ANKRD50: variants seen among roughly 807,000 people sequenced by gnomAD.
ANKRD50 encodes ankyrin repeat domain 50.
A neutral mutation model predicts 112.0 loss-of-function variants in ANKRD50; 40 were observed. The observed-to-expected ratio is 0.36, with a 90% CI of 0.28 to 0.46. ANKRD50 has a LOEUF of 0.46. ANKRD50 is among the 20% of genes least tolerant of loss of function. The pLI, the probability that ANKRD50 is intolerant of heterozygous loss-of-function variation, is 1.00. For missense variants in ANKRD50, 1,487 were observed against 1,701.7 expected, an observed-to-expected ratio of 0.87 and a Z score of 2.22; for synonymous variants, 613 against 619.1, an observed-to-expected ratio of 0.99 and a Z score of 0.15.
chr4:124,710,051 C>T lies in ANKRD50; in HGVS notation c.461G>A (p.Ser154Asn), dbSNP rs748473709. 2 of 1,614,052 alleles carry T rather than the reference C, an allele frequency of 1.2e-6. No homozygotes were observed. Among genetic ancestry groups the T allele is most frequent in the Admixed American group, 3.3e-5 (2 of 60,000 alleles). ...EDKLRDPAVQ[S>N]LLQPGECERN... ...CTCGCACTCCCCAGGCTGTAAGAGG[C>T]TTTGGACTGCTGGATCCCTTAGCTT... Residue 154 changes from serine (S) to asparagine (N), a missense_variant, in exon 2 of 5, where the codon AGC becomes AAC. Ser to Asn is a conservative substitution (Grantham distance 46). Transcript: ENST00000504087.
In ANKRD50 at chr4:124,670,191, T is replaced by G. The variant is rs1730603903; in HGVS notation, c.3086A>C (p.Gln1029Pro). The change falls in exon 4 of 5, where the codon CAG becomes CCG. Residue 1029 changes from glutamine (Q) to proline (P), a missense_variant. By Grantham distance (76) the Gln-to-Pro change is moderately conservative. Around this residue, in one of 2 missense-constraint regions of ANKRD50, gnomAD observed 1,046 missense variants for 1,269.5 expected, o/e 0.82. Transcript: ENST00000504087. The stretch of plus-strand genomic sequence containing the variant: ...TACAGCACCATGCTCAATCAGAAGC[T>G]GAACCACTTTTACATGGCCCTGCCA... ...AAWQGHVKVV[Q>P]LLIEHGAVVD... The G allele has an allele frequency of 6.2e-7, 1 of 1,612,738 alleles. No individual in the cohort carries two copies.
intron 2 of ANKRD50, among the ~76,000 whole-genome samples, chr4:124,684,893 T>TC (rs1413772779): frequency 2.0e-5 from 3 of 151,924 alleles, no homozygotes; most frequent in East Asian, 1.9e-4. Context: ...TTTTTCTTTT[T>TC]CCCCCCCATT....
rs1048020824 is a variant in ANKRD50, at chr4:124,711,088, T to G, written c.-577A>C. The G allele has an allele frequency of 7.7e-5, 19 of 247,970 alleles. No individual in the cohort carries two copies. The East Asian group carries it at 1.4e-3, about 18-fold the overall frequency. 15.4% of individuals were successfully genotyped at this position (247,970 alleles called of 1,614,324 possible). ...CTAGATCGTGCCAGTTTCAGGCATC[T>G]GGGCAACTGCCAGGAACTGTTTCAG... On this transcript the variant is annotated 5_prime_UTR_variant, in exon 2 of 5. Transcript: ENST00000504087.
At position 124,672,432 on chromosome 4, in the gene ANKRD50, T is replaced by C. The variant is rs1271069647; in HGVS notation, c.845A>G (p.Gln282Arg). ...HRLDQEEALRQHLTKETAEML... is the reference protein window; with the variant it reads ...HRLDQEEALRRHLTKETAEML... ...CTCTGCAGTTTCTTTTGTGAGGTGT[T>C]GTCGCAAAGCTTCTTCTTGATCTAA... Residue 282 changes from glutamine to arginine, a missense_variant, in exon 4 of 5, where the codon CAA becomes CGA. Gln to Arg is a conservative substitution (Grantham distance 43). Coordinates refer to ENST00000504087, the MANE Select transcript of ANKRD50 (RefSeq NM_020337.3). 1.2e-6 allele frequency: 2 copies of C among 1,613,038 alleles called. No homozygotes were observed. The highest frequency in any genetic ancestry group is 1.7e-6 in the Non-Finnish European group (2 of 1,179,566).
chr4:124,670,792 C>G lies in ANKRD50; in HGVS notation c.2485G>C (p.Val829Leu). 6.2e-7 allele frequency: 1 copy of G among 1,613,908 alleles called. No individual in the cohort carries two copies. The highest frequency in any genetic ancestry group is 8.5e-7 in the Non-Finnish European group (1 of 1,179,890). Residue 829 changes from valine to leucine, a missense_variant, in exon 4 of 5, where the codon GTG becomes CTG. Around this residue, in one of 2 missense-constraint regions of ANKRD50, gnomAD observed 1,046 missense variants for 1,269.5 expected, o/e 0.82. Transcript: ENST00000504087. ...SIASAQGNVE[V>L]VRTLLDRGLD... ...CCTCTATCCAGTAGAGTACGTACCA[C>G]CTCAACATTTCCTTGTGCTGAAGCT...
Position 124,672,478 on chromosome 4 carries a change from G to T in ANKRD50, c.799C>A (p.Gln267Lys). ...LRKAYIVKDV[Q>K]QYILHRLDQE... is the part of the protein sequence containing the mutation. ...TCTAAACGATGAAGAATGTACTGCT[G>T]AACATCCTTGACGATATATGCCTTC... The change falls in exon 4 of 5, where the codon CAG becomes AAG. Residue 267 changes from glutamine (Q) to lysine (K), a missense_variant. By Grantham distance (53) the Gln-to-Lys change is moderately conservative (BLOSUM62 1). Around this residue, in one of 2 missense-constraint regions of ANKRD50, gnomAD observed 1,046 missense variants for 1,269.5 expected, o/e 0.82. Coordinates refer to ENST00000504087, the MANE Select transcript of ANKRD50 (RefSeq NM_020337.3). 6.2e-7 allele frequency: 1 copy of T among 1,609,730 alleles called. No homozygotes were observed. The highest frequency in any genetic ancestry group is 8.5e-7 in the Non-Finnish European group (1 of 1,178,438).
chr4:124,710,434 C>A lies in ANKRD50; in HGVS notation c.78G>T (p.Arg26Ser). 6.2e-7 allele frequency: 1 copy of A among 1,614,162 alleles called. No homozygotes were observed. Among genetic ancestry groups the A allele is most frequent in the Non-Finnish European group, 8.5e-7 (1 of 1,180,038 alleles). Residue 26 changes from arginine (R) to serine (S), a missense_variant, in exon 2 of 5, where the codon AGG becomes AGT. This residue lies in a region of ANKRD50 where 1,046 missense variants were observed against 1,269.5 expected (regional missense o/e 0.82). Transcript: ENST00000504087. ...SLLQGKQFYC[R>S]EWVFHKLQHC... ...GCTGAAGCTTGTGGAAAACCCACTC[C>A]CTACAGTAAAACTGCTTCCCTTGCA...
chr4:124,667,946 A>G (rs902181112), intron 4 of ANKRD50, among the ~76,000 whole-genome samples: 1 of 152,012 alleles, frequency 6.6e-6, no homozygotes, highest in African/African-American at 2.4e-5. Flanking sequence ...CACCTATTAT[A>G]TCCCTAAAAT....
Position 124,711,131 on chromosome 4 carries a change from G to A in ANKRD50, c.-620C>T, listed in dbSNP as rs1486503695. 1 of 190,776 alleles carries A rather than the reference G, an allele frequency of 5.2e-6. No individual in the cohort carries two copies. The highest frequency in any genetic ancestry group is 1.1e-5 in the Non-Finnish European group (1 of 94,324). The allele number at this position is 190,776 out of a possible 1,614,324, so 11.8% of individuals were successfully genotyped here. A position where few individuals can be genotyped will look rare whatever the true frequency, so the allele number is the denominator to read the frequency against. On this transcript the variant is annotated 5_prime_UTR_variant, in exon 2 of 5. Transcript: ENST00000504087. ...TGTTTCAGATTATAGTCTCTTATGT[G>A]GCAGAAATGACAACCACTGTTAACA... is the stretch of plus-strand genomic sequence containing the variant.
At position 124,695,943 on chromosome 4, in the gene ANKRD50, A is replaced by G. The variant is rs536779993; in HGVS notation, c.512+14057T>C. On this transcript the variant is annotated intron_variant, in intron 2 of 4. Coordinates refer to ENST00000504087, the MANE Select transcript of ANKRD50 (RefSeq NM_020337.3). ...TTTAATTAGCCTTTTCTGATAAAAG[A>G]CATCACCTGGAAATCTACAATCATT... Among the ~76,000 whole-genome samples, 10 of 152,292 alleles carry G rather than the reference A, an allele frequency of 6.6e-5. No individual in the cohort carries two copies. In the South Asian group the frequency reaches 2.1e-3, roughly 32 times the overall value.
intron 2 of ANKRD50, among the ~76,000 whole-genome samples, chr4:124,699,776 T>C (rs1014019682): frequency 1.0e-4 from 15 of 147,200 alleles, no homozygotes; most frequent in African/African-American, 3.3e-4. Context: ...TAAATTGTTC[T>C]ACAAAAAAAA....
chr4:124,670,981 A>C lies in ANKRD50; in HGVS notation c.2296T>G (p.Leu766Val). 1 of 1,613,852 alleles carries C rather than the reference A, an allele frequency of 6.2e-7. No homozygotes were observed. The highest frequency in any genetic ancestry group is 8.5e-7 in the Non-Finnish European group (1 of 1,179,862). Residue 766 changes from leucine to valine, a missense_variant, in exon 4 of 5, where the codon TTG becomes GTG. By Grantham distance (32) the Leu-to-Val change is conservative. Transcript: ENST00000504087. ...ACATCTGCTCCCCCTTCTAGAAGCA[A>C]GTCAACCACATCAACATGTCCTTCA... Reference protein sequence around the residue: ...AYEGHVDVVDLLLEGGADVDH... With the variant: ...AYEGHVDVVDVLLEGGADVDH...
At position 124,711,075 on chromosome 4, in the gene ANKRD50, A is replaced by C. The variant is rs929189329; in HGVS notation, c.-564T>G. ...TCACTCAAGAGTACTAGATCGTGCC[A>C]GTTTCAGGCATCTGGGCAACTGCCA... is the stretch of plus-strand genomic sequence containing the variant. On this transcript the variant is annotated 5_prime_UTR_variant, in exon 2 of 5. Coordinates refer to ENST00000504087, the MANE Select transcript of ANKRD50 (RefSeq NM_020337.3). 1 of 264,984 alleles carries C rather than the reference A, an allele frequency of 3.8e-6. No individual in the cohort carries two copies. Among genetic ancestry groups the C allele is most frequent in the Admixed American group, 5.3e-5 (1 of 18,886 alleles). The allele number at this position is 264,984 out of a possible 1,614,324, so 16.4% of individuals were successfully genotyped here.
At position 124,710,460 on chromosome 4, in the gene ANKRD50, G is replaced by C. The variant is rs757595581; in HGVS notation, c.52C>G (p.Leu18Val). The change falls in exon 2 of 5, where the codon CTG becomes GTG. Residue 18 changes from leucine to valine, a missense_variant. Transcript: ENST00000504087. ...KVCKMAQTSL[L>V]QGKQFYCREW... is the part of the protein sequence containing the mutation. ...CTACAGTAAAACTGCTTCCCTTGCAGTAAACTGGTTTGAGCCATTTTGCAG... is the reference window on the plus strand; with the variant it reads ...CTACAGTAAAACTGCTTCCCTTGCACTAAACTGGTTTGAGCCATTTTGCAG... 3.1e-6 allele frequency: 5 copies of C among 1,613,984 alleles called. No homozygotes were observed. The highest frequency in any genetic ancestry group is 2.2e-5 in the East Asian group (1 of 44,882).
At chr4:124,702,620 T>C (rs937756995) in intron 2 of ANKRD50, among the ~76,000 whole-genome samples, 1 of 152,140 alleles carries the variant, frequency 6.6e-6, no homozygotes, top group African/African-American at 2.4e-5. Flanking sequence ...GAACTAAGAA[T>C]AATTATAGAA....
At chr4:124,672,871 C>A (rs1439436232) in intron 3 of ANKRD50, among the ~76,000 whole-genome samples, 1 of 151,904 alleles carries the variant, frequency 6.6e-6, no homozygotes, top group African/African-American at 2.4e-5. Context: ...ATCTGAACTC[C>A]CAAGTGATTG....
At chr4:124,677,985 TG>T (rs1217603068) in intron 3 of ANKRD50, among the ~76,000 whole-genome samples, 2 of 152,096 alleles carry the variant, frequency 1.3e-5, no homozygotes, top group African/African-American at 4.8e-5. Flanking sequence ...GAATGCCATA[TG>T]TGGAAACCAA....
chr4:124,707,611 C>A (rs2110529884), intron 2 of ANKRD50, among the ~76,000 whole-genome samples: 1 of 152,144 alleles, frequency 6.6e-6, no homozygotes, highest in South Asian at 2.1e-4. Flanking sequence ...AAGAAAGTGA[C>A]TCAGGTTTTT....
At chr4:124,687,511 GA>G (rs965493066) in intron 2 of ANKRD50, among the ~76,000 whole-genome samples, 5 of 147,586 alleles carry the variant, frequency 3.4e-5, no homozygotes, top group Admixed American at 6.7e-5. Context: ...TCCATAGAAG[GA>G]AAAAAAAAAT....
Sources: allele counts gnomAD v4.1 joint callset (sites outside exome capture counted in the v4.1 genomes callset), GRCh38; gene constraint gnomAD v4.1.1; regional missense constraint gnomAD v4.1.1; transcripts MANE v1.5; gene names NCBI Gene and HGNC (gene_info 2026-07-23, HGNC 2026-07-21).